The following N4BP2L2 variants were observed in gnomAD, a reference collection of about 807,000 sequenced individuals.
N4BP2L2 encodes NEDD4-binding protein 2-like 2.
Under a neutral mutation model 56.2 loss-of-function variants are expected in N4BP2L2, and 50 were observed. The observed-to-expected ratio is 0.89, with a 90% CI of 0.71 to 1.13. The LOEUF (loss-of-function observed/expected upper bound fraction) is 1.13, where lower values mean the gene tolerates loss of function less well. Ranked by LOEUF, N4BP2L2 falls within the 50% of genes most tolerant of loss-of-function variation. The pLI is 0.00. For missense variants in N4BP2L2, 689 were observed against 693.8 expected (o/e 0.99, Z 0.08); for synonymous variants, 203 against 223.6 (o/e 0.91, Z 0.82).
chr13:32,517,882 G>A, exon 6 of N4BP2L2: 4 of 1,614,092 alleles, frequency 2.5e-6, no homozygotes, highest in Non-Finnish European at 3.4e-6. Flanking sequence ...GGAGGAGGAG[G>A]TCTTTGTGTG....
exon 6 of N4BP2L2, chr13:32,514,459 T>C (rs1055903358): frequency 6.6e-6 from 1 of 152,206 alleles, no homozygotes; most frequent in African/African-American, 2.4e-5. Flanking sequence ...ATATGATTAA[T>C]ATCCACTTTA....
chr13:32,479,142 AAAAT>A (rs1225272489), intron 6 of N4BP2L2, among the ~76,000 whole-genome samples: 1 of 152,142 alleles, frequency 6.6e-6, no homozygotes, highest in Non-Finnish European at 1.5e-5. Flanking sequence ...TCTCAAAAAA[AAAAT>A]AAAAAAGAAC....
intron 2 of N4BP2L2, among the ~76,000 whole-genome samples, chr13:32,532,772 G>A (rs1391882211): frequency 6.6e-6 from 1 of 151,358 alleles, no homozygotes; most frequent in Non-Finnish European, 1.5e-5. Flanking sequence ...TGTATTTTTA[G>A]TAGAGATGGG....
exon 6 of N4BP2L2, chr13:32,515,246 A>T (rs1159834184): frequency 6.6e-6 from 1 of 152,250 alleles, no homozygotes; most frequent in African/African-American, 2.4e-5. Context: ...AGTTTGGGAA[A>T]CAAGGCAAGA....
chr13:32,474,525 A>T (rs566067405), intron 6 of N4BP2L2, among the ~76,000 whole-genome samples: 1 of 136,442 alleles, frequency 7.3e-6, no homozygotes, highest in Non-Finnish European at 1.7e-5. Context: ...CCCTGTCTCT[A>T]CTAAAAAAAA....
chr13:32,464,127 A>T (rs1365248944), intron 6 of N4BP2L2, among the ~76,000 whole-genome samples: 2 of 152,206 alleles, frequency 1.3e-5, no homozygotes, highest in Admixed American at 6.5e-5. Context: ...ACTACATAAA[A>T]CAATATTTAT....
chr13:32,456,876 C>T (rs1383194958), intron 6 of N4BP2L2, among the ~76,000 whole-genome samples: 3 of 152,176 alleles, frequency 2.0e-5, no homozygotes, highest in African/African-American at 4.8e-5. Flanking sequence ...TGGCTCATGC[C>T]CACAATCCCA....
chr13:32,517,696 TGAGGCACTG>T lies in N4BP2L2; in HGVS notation c.*97_*105del. 5 of 1,447,542 alleles carry T rather than the reference TGAGGCACTG, an allele frequency of 3.5e-6. No individual in the cohort carries two copies. In the South Asian group the frequency reaches 7.5e-5, roughly 22 times the overall value. 89.7% of individuals were successfully genotyped at this position (1,447,542 alleles called of 1,614,324 possible). On this transcript the variant is annotated 3_prime_UTR_variant, in exon 6 of 6. Transcript: ENST00000267068. ...AACAACTTGCTGGGAACATCCTTTG[TGAGGCACTG>T]TAGCCTTTTTTTATTTGAAACTACT...
intron 3 of N4BP2L2, chr13:32,523,923 T>G (rs1293862306): frequency 6.6e-6 from 1 of 152,070 alleles, no homozygotes; most frequent in Non-Finnish European, 1.5e-5. Flanking sequence ...AACCTACTCA[T>G]GTAACCAAAC....
chr13:32,472,142 C>T (rs530510244), intron 6 of N4BP2L2, among the ~76,000 whole-genome samples: 20 of 152,172 alleles, frequency 1.3e-4, no homozygotes, highest in Admixed American at 7.8e-4. Flanking sequence ...AAGACAACAT[C>T]GTAAAGAGCG....
intron 6 of N4BP2L2, among the ~76,000 whole-genome samples, chr13:32,454,973 C>T (rs1357599278): frequency 6.6e-6 from 1 of 152,188 alleles, no homozygotes; most frequent in Non-Finnish European, 1.5e-5. Context: ...GCAACCTGGG[C>T]CAGGAGAAAA....
At chr13:32,522,395 C>T in intron 3 of N4BP2L2, 125 bp from the exon 4 acceptor site, 1 of 510,766 alleles carries the variant, frequency 2.0e-6, no homozygotes. Context: ...GCAATCTCTT[C>T]AGTCAGTATC....
At chr13:32,526,229 A>G (rs1219904734) in intron 3 of N4BP2L2, among the ~76,000 whole-genome samples, 1 of 152,202 alleles carries the variant, frequency 6.6e-6, no homozygotes, top group Non-Finnish European at 1.5e-5. Flanking sequence ...TAAAAGAAGG[A>G]ACATGCTATG....
intron 6 of N4BP2L2, among the ~76,000 whole-genome samples, chr13:32,498,467 C>T (rs998460527): frequency 1.8e-4 from 28 of 151,926 alleles, no homozygotes; most frequent in African/African-American, 6.5e-4. Context: ...GTGCCTCAGC[C>T]GAATAGCTGG....
chr13:32,474,137 A>C (rs1434235556), intron 6 of N4BP2L2, among the ~76,000 whole-genome samples: 1 of 152,152 alleles, frequency 6.6e-6, no homozygotes, highest in Non-Finnish European at 1.5e-5. Flanking sequence ...CTTATCTAAA[A>C]CTTATTTTCA....
At chr13:32,487,404 G>A (rs1418776976) in intron 6 of N4BP2L2, among the ~76,000 whole-genome samples, 3 of 151,218 alleles carry the variant, frequency 2.0e-5, no homozygotes, top group Non-Finnish European at 4.4e-5. Flanking sequence ...TGAGCCCAGG[G>A]AGGTTGAGGC....
At chr13:32,450,900 T>C (rs1478528770) in intron 6 of N4BP2L2, among the ~76,000 whole-genome samples, 6 of 117,936 alleles carry the variant, frequency 5.1e-5, no homozygotes, top group East Asian at 5.8e-4. Flanking sequence ...CTCTCTCTCT[T>C]TCTGACGTGT....
chr13:32,533,910 G>A (rs541066033), intron 2 of N4BP2L2, among the ~76,000 whole-genome samples: 28 of 152,220 alleles, frequency 1.8e-4, no homozygotes, highest in African/African-American at 5.5e-4. Flanking sequence ...CACTCAAAAC[G>A]TGTTGACCTA....
chr13:32,527,230 C>G, intron 3 of N4BP2L2, 178 bp downstream of exon 3: 1 of 582,084 alleles, frequency 1.7e-6, no homozygotes, highest in Non-Finnish European at 2.9e-6. Context: ...AAACCCTGAT[C>G]AGGTAGGGCA....
Sources: gnomAD v4.1 joint callset for allele counts (sites outside exome capture counted in the v4.1 genomes callset) on GRCh38, gnomAD v4.1.1 for gene constraint, MANE v1.5 for transcripts, NCBI Gene and HGNC (gene_info 2026-07-23, HGNC 2026-07-21) for gene names.